Variants in OLFML2B observed in about 807,000 individuals in gnomAD.
The protein encoded by OLFML2B is olfactomedin-like protein 2B.
OLFML2B carries 57 observed loss-of-function variants against 74.9 expected under a neutral mutation model. The observed-to-expected ratio is 0.76, with a 90% confidence interval of 0.61 to 0.95. OLFML2B has a LOEUF of 0.95. OLFML2B is among the 40% of genes least tolerant of loss of function. The pLI is 0.00. For missense variants in OLFML2B, 986 were observed against 970.6 expected (o/e 1.02, Z -0.21); for synonymous variants, 388 against 405.8 (o/e 0.96, Z 0.53).
Position 162,017,501 on chromosome 1 carries a change from T to C in OLFML2B, c.445A>G (p.Thr149Ala), listed in dbSNP as rs145092080. 640 of 1,609,960 alleles carry C rather than the reference T, an allele frequency of 4.0e-4. No homozygotes were observed. The highest frequency in any genetic ancestry group is 2.5e-4 in the Admixed American group (15 of 59,224). Residue 149 changes from threonine (T) to alanine (A), a missense_variant, in exon 3 of 8, where the codon ACA becomes GCA. By Grantham distance (58) the Thr-to-Ala change is moderately conservative (BLOSUM62 0). Coordinates refer to ENST00000294794, the MANE Select transcript of OLFML2B (RefSeq NM_015441.3). ...GCTCCTTCCAACATGTCTATGATTG[T>C]GGAGAGCTATGAAACAAGGCAAGGG... ...EADSQDLKLS[T>A]IIDMLEGAFY...
Position 161,983,560 on chromosome 1 carries a change from C to T in OLFML2B, c.*115G>A, listed in dbSNP as rs1051265286. 9 of 1,156,116 alleles carry T rather than the reference C, an allele frequency of 7.8e-6. No individual in the cohort carries two copies. The African/African-American group carries it at 9.4e-5, about 12-fold the overall frequency. The allele number at this position is 1,156,116 out of a possible 1,614,324, so 71.6% of individuals were successfully genotyped here. A position where few individuals can be genotyped will look rare whatever the true frequency, so the allele number is the denominator to read the frequency against. ...GTCATTTTACATTTGCAATATTATA[C>T]AAAATAATATATATTTTTAAACAAC... On this transcript the variant is annotated 3_prime_UTR_variant, in exon 8 of 8. Transcript: ENST00000294794.
At chr1:162,006,012 G>A (rs1318948181) in intron 4 of OLFML2B, among the ~76,000 whole-genome samples, 3 of 150,908 alleles carry the variant, frequency 2.0e-5, no homozygotes, top group African/African-American at 7.3e-5. Context: ...CACAAGAGAT[G>A]TTCACAAAGG....
rs140823206 is a variant in OLFML2B, at chr1:162,023,242, C to T, written c.174+15G>A. ...TCCAGGGCAAGAAGGGCGGTCGTGGCACTCTGCATCCTACCTGAGATAAAA... is the reference window on the plus strand; with the variant it reads ...TCCAGGGCAAGAAGGGCGGTCGTGGTACTCTGCATCCTACCTGAGATAAAA... On this transcript the variant is annotated intron_variant, in intron 1 of 7. Coordinates refer to ENST00000294794, the MANE Select transcript of OLFML2B (RefSeq NM_015441.3). 3.5e-5 allele frequency: 52 copies of T among 1,488,298 alleles called. 1 individual carries two copies. In the African/African-American group the frequency reaches 4.4e-4, roughly 12 times the overall value. 92.2% of individuals were successfully genotyped at this position (1,488,298 alleles called of 1,614,324 possible).
intron 5 of OLFML2B, 52 bp from the exon 6 acceptor site, chr1:161,998,401 G>T: frequency 6.6e-7 from 1 of 1,517,372 alleles, no homozygotes; most frequent in Non-Finnish European, 8.9e-7. Context: ...ACAACCTACA[G>T]ATGACAAGAG....
intron 6 of OLFML2B, among the ~76,000 whole-genome samples, chr1:161,989,103 A>G (rs1689667430): frequency 6.6e-6 from 1 of 152,158 alleles, no homozygotes; most frequent in African/African-American, 2.4e-5. Context: ...CAATTGCGCC[A>G]GTTTGTCTCT....
intron 6 of OLFML2B, 104 bp from the exon 7 acceptor site, chr1:161,985,084 T>C: frequency 8.2e-7 from 1 of 1,221,804 alleles, no homozygotes; most frequent in Admixed American, 2.3e-5. Context: ...CTCGGCAGGC[T>C]TTAACAGCCC....
chr1:162,021,005 C>T (rs1365419321), intron 1 of OLFML2B, among the ~76,000 whole-genome samples: 7 of 152,168 alleles, frequency 4.6e-5, no homozygotes, highest in African/African-American at 1.7e-4. Flanking sequence ...AAGAAGCCTA[C>T]AGTGCAGGAG....
At chr1:161,985,274 C>G (rs1689560472) in intron 6 of OLFML2B, 2 of 288,738 alleles carry the variant, frequency 6.9e-6, no homozygotes, top group Admixed American at 9.7e-5. Context: ...GATCCAGAGT[C>G]CTTTTATGAC....
chr1:161,992,290 A>G (rs566905399), intron 6 of OLFML2B, among the ~76,000 whole-genome samples: 7 of 152,358 alleles, frequency 4.6e-5, no homozygotes, highest in Admixed American at 3.3e-4. Context: ...GAAGAGAGTT[A>G]GGGCCTTGCT....
chr1:162,009,292 G>A lies in OLFML2B; in HGVS notation c.547-2819C>T, dbSNP rs548612089. On this transcript the variant is annotated intron_variant, in intron 3 of 7. Transcript: ENST00000294794. The stretch of plus-strand genomic sequence containing the variant: ...CGGACTGAGGAGTGTCCACACCTGC[G>A]GCCCAGCTCTGGCCCTAGGACTCTA... 2.6e-5 allele frequency among the ~76,000 whole-genome samples: 4 copies of A among 152,292 alleles called. 1 individual carries two copies. In the East Asian group the frequency reaches 7.7e-4, roughly 29 times the overall value.
intron 6 of OLFML2B, among the ~76,000 whole-genome samples, chr1:161,991,745 T>A (rs1400351405): frequency 6.6e-6 from 1 of 152,168 alleles, no homozygotes; most frequent in Non-Finnish European, 1.5e-5. Flanking sequence ...CAAATAATAA[T>A]TTCTTTTTCT....
chr1:161,984,219 A>AC lies in OLFML2B; in HGVS notation c.1708dup (p.Val570GlyfsTer34). The AC allele has an allele frequency of 6.4e-7, 1 of 1,568,446 alleles. No individual in the cohort carries two copies. The highest frequency in any genetic ancestry group is 8.6e-7 in the Non-Finnish European group (1 of 1,157,826). On this transcript the variant is annotated frameshift_variant, in exon 8 of 8. Coordinates refer to ENST00000294794, the MANE Select transcript of OLFML2B (RefSeq NM_015441.3). LOFTEE classifies it high-confidence loss of function. Reference sequence around the variant, plus strand: ...ATTGTAGTAGAAGGCGCCATTGTATACCACGTGGCCTGTGCCGATCCAGCT... The same window carrying AC: ...ATTGTAGTAGAAGGCGCCATTGTATACCCACGTGGCCTGTGCCGATCCAGCT...
chr1:162,004,686 G>GC (rs1309921533), intron 4 of OLFML2B, among the ~76,000 whole-genome samples: 1 of 152,084 alleles, frequency 6.6e-6, no homozygotes, highest in Non-Finnish European at 1.5e-5. Context: ...CAGACTTCCT[G>GC]CCTCTCTTAT....
At position 162,023,424 on chromosome 1, in the gene OLFML2B, T is replaced by C. The variant is rs753706221; in HGVS notation, c.7A>G (p.Lys3Glu). MA[K>E]PRLLVLYFAL... is the part of the protein sequence containing the mutation. Reference sequence around the variant, plus strand: ...AAGTAGAGAACTAGCAGCCGAGGCTTGGCCATGAGGGGCGCGATAAGAGTG... The same window carrying C: ...AAGTAGAGAACTAGCAGCCGAGGCTCGGCCATGAGGGGCGCGATAAGAGTG... Residue 3 changes from lysine (K) to glutamate (E), a missense_variant, in exon 1 of 8, where the codon AAG becomes GAG. Transcript: ENST00000294794. 3 of 1,565,538 alleles carry C rather than the reference T, an allele frequency of 1.9e-6. No homozygotes were observed. In the Admixed American group the frequency reaches 5.4e-5, roughly 28 times the overall value.
chr1:162,002,504 C>A (rs539778692), intron 4 of OLFML2B, among the ~76,000 whole-genome samples: 5 of 152,346 alleles, frequency 3.3e-5, no homozygotes, highest in Admixed American at 2.0e-4. Flanking sequence ...GGCCAATGTG[C>A]TCCTTTCGCA....
At chr1:161,984,323 G>T (rs369139473) in intron 7 of OLFML2B, 47 bp from the exon 8 acceptor site, 79 of 1,510,238 alleles carry the variant, frequency 5.2e-5, no homozygotes, top group Non-Finnish European at 6.5e-5. Context: ...CATGGCAGAG[G>T]GTGGGCAGCC....
At chr1:161,985,496 C>A (rs953501628) in intron 6 of OLFML2B, among the ~76,000 whole-genome samples, 2 of 152,220 alleles carry the variant, frequency 1.3e-5, no homozygotes, top group African/African-American at 4.8e-5. Flanking sequence ...GCTCAGAACA[C>A]GGTGTCTGGC....
In OLFML2B at chr1:162,017,654, CAG is replaced by C. The variant is rs1690581661; in HGVS notation, c.439-149_439-148del. Reference sequence around the variant, plus strand: ...GCCGTGAGAAACACATTTGTGTAGACAGGGATGTAGGCAAGCACAATGGTGTA... The same window carrying C: ...GCCGTGAGAAACACATTTGTGTAGACGGATGTAGGCAAGCACAATGGTGTA... On this transcript the variant is annotated intron_variant, in intron 2 of 7. Transcript: ENST00000294794. 5.0e-6 allele frequency: 3 copies of C among 596,928 alleles called. No individual in the cohort carries two copies. In the Admixed American group the frequency reaches 9.7e-5, roughly 19 times the overall value. 37.0% of individuals were successfully genotyped at this position (596,928 alleles called of 1,614,324 possible). A position where few individuals can be genotyped will look rare whatever the true frequency, so the allele number is the denominator to read the frequency against.
At chr1:162,002,914 A>G (rs1429765359) in intron 4 of OLFML2B, among the ~76,000 whole-genome samples, 3 of 152,204 alleles carry the variant, frequency 2.0e-5, no homozygotes, top group African/African-American at 7.2e-5. Context: ...TATTATGGCC[A>G]TGTCCCTTTG....
Sources: allele counts gnomAD v4.1 joint callset (sites outside exome capture counted in the v4.1 genomes callset), GRCh38; gene constraint gnomAD v4.1.1; transcripts MANE v1.5; gene names NCBI Gene and HGNC (gene_info 2026-07-23, HGNC 2026-07-21).